The following RPH3A variants were observed in gnomAD, a reference collection of about 807,000 sequenced individuals.
RPH3A encodes rabphilin 3A.
A neutral mutation model predicts 102.2 loss-of-function variants in RPH3A; 48 were observed. That is an observed-to-expected ratio of 0.47 (90% CI 0.37 to 0.60). The LOEUF (loss-of-function observed/expected upper bound fraction) is 0.60, where lower values mean the gene tolerates loss of function less well. Ranked by LOEUF, RPH3A falls within the 20% of genes least tolerant of loss-of-function variation. The pLI is 0.00. For synonymous variants in RPH3A, 310 were observed against 324.3 expected (o/e 0.96, Z 0.47); for missense variants, 781 against 910.1 (o/e 0.86, Z 1.83).
At chr12:112,707,141 T>G (rs958817) in intron 1 of RPH3A, among the ~76,000 whole-genome samples, 33,790 of 152,098 alleles carry the variant, frequency 0.22, 4,215 homozygotes, top group South Asian at 0.36. Flanking sequence ...GCTCAGAGTT[T>G]CATTGTGAGA....
rs369212792 is a variant in RPH3A, at chr12:112,868,424, C to T, written c.445-6C>T. ...ACATCTTCAATCCCTGTCTCTCCTC[C>T]CCAAGGTGTGGAAGCGTTCTGGAGC... is the stretch of plus-strand genomic sequence containing the variant. On this transcript the variant is annotated splice_region_variant and splice_polypyrimidine_tract_variant and intron_variant, in intron 7 of 21. Coordinates refer to ENST00000389385, the MANE Select transcript of RPH3A (RefSeq NM_001143854.2). 2.6e-5 allele frequency: 42 copies of T among 1,613,042 alleles called. No individual in the cohort carries two copies. The highest frequency in any genetic ancestry group is 3.4e-5 in the Non-Finnish European group (40 of 1,179,342).
At chr12:112,689,386 AT>A (rs2040290413) in intron 1 of RPH3A, among the ~76,000 whole-genome samples, 1 of 152,184 alleles carries the variant, frequency 6.6e-6, no homozygotes, top group Non-Finnish European at 1.5e-5. Context: ...GTGGAGTAAA[AT>A]CTCCCTATTT....
At chr12:112,581,128 T>A (rs2039397925) in intron 1 of RPH3A, among the ~76,000 whole-genome samples, 2 of 152,212 alleles carry the variant, frequency 1.3e-5, no homozygotes. Context: ...AGCAGATTTG[T>A]ATTAGTCTGT....
chr12:112,809,334 C>T (rs868508379), intron 2 of RPH3A, among the ~76,000 whole-genome samples: 5 of 152,076 alleles, frequency 3.3e-5, no homozygotes, highest in Admixed American at 2.0e-4. Context: ...TCTGCCTCTT[C>T]TCATCGTGGG....
intron 1 of RPH3A, among the ~76,000 whole-genome samples, chr12:112,656,795 G>A (rs112909493): frequency 4.0e-5 from 6 of 150,872 alleles, no homozygotes; most frequent in African/African-American, 7.3e-5. Flanking sequence ...GTGTGTGTGT[G>A]TATATATATA....
chr12:112,696,552 G>A (rs2040353677), intron 1 of RPH3A, among the ~76,000 whole-genome samples: 1 of 152,190 alleles, frequency 6.6e-6, no homozygotes. Context: ...ACTCTTCATT[G>A]CTAGGTTGTG....
chr12:112,595,521 C>T (rs1282160597), intron 1 of RPH3A, among the ~76,000 whole-genome samples: 1 of 152,162 alleles, frequency 6.6e-6, no homozygotes, highest in African/African-American at 2.4e-5. Context: ...TCCCCTTTTG[C>T]CTCATATCTG....
intron 1 of RPH3A, among the ~76,000 whole-genome samples, chr12:112,679,981 A>G (rs1226622371): frequency 6.6e-6 from 1 of 152,232 alleles, no homozygotes; most frequent in Admixed American, 6.5e-5. Flanking sequence ...GGGGCATTTT[A>G]GCCGAGATGT....
intron 4 of RPH3A, among the ~76,000 whole-genome samples, chr12:112,846,802 C>A (rs573281960): frequency 6.6e-6 from 1 of 152,322 alleles, no homozygotes; most frequent in Admixed American, 6.5e-5. Flanking sequence ...TAGACCACAG[C>A]CTTAACTCTG....
At chr12:112,853,719 C>T (rs2042363558) in intron 5 of RPH3A, among the ~76,000 whole-genome samples, 1 of 151,880 alleles carries the variant, frequency 6.6e-6, no homozygotes, top group African/African-American at 2.4e-5. Flanking sequence ...ATTCCAGCTA[C>T]TCAGGAGGCT....
intron 1 of RPH3A, among the ~76,000 whole-genome samples, chr12:112,575,873 A>C (rs1413930627): frequency 6.6e-6 from 1 of 152,130 alleles, no homozygotes; most frequent in Non-Finnish European, 1.5e-5. Context: ...CCCTGGATCA[A>C]GGTTTCCATA....
At chr12:112,731,718 G>T (rs1441904478) in intron 1 of RPH3A, among the ~76,000 whole-genome samples, 1 of 152,182 alleles carries the variant, frequency 6.6e-6, no homozygotes, top group Non-Finnish European at 1.5e-5. Flanking sequence ...CCATTTGGGG[G>T]ATTTTTCCCT....
chr12:112,715,498 C>T (rs991934342), intron 1 of RPH3A, among the ~76,000 whole-genome samples: 4 of 152,190 alleles, frequency 2.6e-5, no homozygotes, highest in African/African-American at 7.2e-5. Context: ...ATATTCCTAG[C>T]ATCTACAATG....
At chr12:112,776,742 T>G (rs12298794) in intron 1 of RPH3A, among the ~76,000 whole-genome samples, 13,096 of 151,010 alleles carry the variant, frequency 0.087, 952 homozygotes, top group African/African-American at 0.2. Flanking sequence ...GGCGTGGTGG[T>G]GGGCGCCTGT....
chr12:112,598,804 A>G (rs1307199111), intron 1 of RPH3A, among the ~76,000 whole-genome samples: 2 of 152,242 alleles, frequency 1.3e-5, no homozygotes, highest in African/African-American at 2.4e-5. Context: ...GAATCTAAGC[A>G]TAACTCATTG....
At chr12:112,637,997 G>T (rs1566237885) in intron 1 of RPH3A, among the ~76,000 whole-genome samples, 1 of 151,828 alleles carries the variant, frequency 6.6e-6, no homozygotes, top group Admixed American at 6.6e-5. Context: ...GTTGGAATCT[G>T]ATCCCCAACA....
At chr12:112,841,949 A>C (rs2136179859) in intron 4 of RPH3A, 1 of 455,946 alleles carries the variant, frequency 2.2e-6, no homozygotes, top group Admixed American at 2.3e-5. Context: ...AGCTAAATCA[A>C]CTAGGTTCAT....
intron 1 of RPH3A, among the ~76,000 whole-genome samples, chr12:112,705,930 T>TA (rs1236134072): frequency 6.6e-6 from 1 of 152,214 alleles, no homozygotes; most frequent in African/African-American, 2.4e-5. Flanking sequence ...TCAATGGCTA[T>TA]GACTTGAGAC....
chr12:112,865,633 G>T (rs764722235), intron 6 of RPH3A, 90 bp downstream of exon 6: 1 of 1,417,528 alleles, frequency 7.1e-7, no homozygotes. Flanking sequence ...CTGGGTCTTG[G>T]GGGTGGAGCT....
Sources: allele counts gnomAD v4.1 joint callset (sites outside exome capture counted in the v4.1 genomes callset), GRCh38; gene constraint gnomAD v4.1.1; transcripts MANE v1.5; gene names NCBI Gene and HGNC (gene_info 2026-07-23, HGNC 2026-07-21).